ATP13A4: variants seen among roughly 807,000 people sequenced by gnomAD.
ATP13A4 encodes the protein ATPase 13A4.
Under a neutral mutation model 142.5 loss-of-function variants are expected in ATP13A4, and 114 were observed. The observed-to-expected ratio is 0.80, with a 90% confidence interval of 0.69 to 0.93. The LOEUF (loss-of-function observed/expected upper bound fraction) is 0.93, where lower values mean the gene tolerates loss of function less well. ATP13A4 is among the 40% of genes least tolerant of loss of function. The pLI is 0.00. For synonymous variants in ATP13A4, 488 were observed against 514.8 expected, an observed-to-expected ratio of 0.95 and a Z score of 0.70; for missense variants, 1,392 against 1,454.0, an observed-to-expected ratio of 0.96 and a Z score of 0.69.
At chr3:193,455,102 G>T (rs994871514) in intron 16 of ATP13A4, among the ~76,000 whole-genome samples, 4 of 152,104 alleles carry the variant, frequency 2.6e-5, no homozygotes, top group African/African-American at 9.7e-5. Flanking sequence ...ACTTTGGGAG[G>T]CCGAGGTGGG....
intron 8 of ATP13A4, among the ~76,000 whole-genome samples, chr3:193,476,248 T>C (rs969159700): frequency 2.0e-5 from 3 of 152,124 alleles, no homozygotes; most frequent in Non-Finnish European, 4.4e-5. Context: ...GCACTGTATC[T>C]GGTACTGCTA....
intron 12 of ATP13A4, among the ~76,000 whole-genome samples, chr3:193,464,403 G>C (rs111371256): frequency 6.6e-6 from 1 of 152,170 alleles, no homozygotes; most frequent in Admixed American, 6.5e-5. Flanking sequence ...GGTAGAATAC[G>C]AGGCTGGTTG....
At chr3:193,585,681 C>T (rs1420692799) in intron 1 of ATP13A4, among the ~76,000 whole-genome samples, 3 of 152,034 alleles carry the variant, frequency 2.0e-5, no homozygotes, top group African/African-American at 4.8e-5. Flanking sequence ...ATCCGCAGGT[C>T]ATTCTGTTTG....
At chr3:193,412,150 A>T in intron 27 of ATP13A4, 28 bp downstream of exon 27, 1 of 1,563,274 alleles carries the variant, frequency 6.4e-7, no homozygotes, top group South Asian at 1.1e-5. Flanking sequence ...ATGACTTCTC[A>T]CCTCTGATGC....
chr3:193,448,481 G>T lies in ATP13A4; in HGVS notation c.2028-151C>A, dbSNP rs1339055467. On this transcript the variant is annotated intron_variant, in intron 17 of 29. Transcript: ENST00000342695. ...TTCCCAAGTAACTGGGATTATAGGT[G>T]CCCACCACCACGCCCGGCTAATTTT... 8 of 954,740 alleles carry T rather than the reference G, an allele frequency of 8.4e-6. No individual in the cohort carries two copies. In the African/African-American group the frequency reaches 9.8e-5, roughly 12 times the overall value. 59.1% of individuals were successfully genotyped at this position (954,740 alleles called of 1,614,324 possible). A position where few individuals can be genotyped will look rare whatever the true frequency, so the allele number is the denominator to read the frequency against.
rs111420277 is a variant in ATP13A4 at position 193,469,880 on chromosome 3, T to G, written c.943+979A>C. Among the ~76,000 whole-genome samples the G allele has an allele frequency of 1.1e-3, 160 of 152,298 alleles. 1 individual carries two copies. In the Middle Eastern group the frequency reaches 0.021, roughly 20 times the overall value. On this transcript the variant is annotated intron_variant, in intron 9 of 29. Coordinates refer to ENST00000342695, the MANE Select transcript of ATP13A4 (RefSeq NM_032279.4). Reference sequence around the variant, plus strand: ...ATTAAGGCTACTTTCATTAGGAAAATGGTACTTGGCACTGCAGAAGTCCCA... The same window carrying G: ...ATTAAGGCTACTTTCATTAGGAAAAGGGTACTTGGCACTGCAGAAGTCCCA...
chr3:193,429,483 A>T (rs1212456232), intron 25 of ATP13A4, among the ~76,000 whole-genome samples: 1 of 152,130 alleles, frequency 6.6e-6, no homozygotes, highest in Non-Finnish European at 1.5e-5. Context: ...TTAAGTTCTG[A>T]TGCATGTTAC....
At chr3:193,454,018 T>C (rs1267179599) in intron 17 of ATP13A4, 83 bp downstream of exon 17, 1 of 1,198,864 alleles carries the variant, frequency 8.3e-7, no homozygotes, top group Non-Finnish European at 1.2e-6. Context: ...CCTAAGTCCA[T>C]CCCAGTCTAA....
chr3:193,513,970 T>G (rs1438272609), intron 2 of ATP13A4, among the ~76,000 whole-genome samples: 1 of 152,228 alleles, frequency 6.6e-6, no homozygotes, highest in Non-Finnish European at 1.5e-5. Context: ...TTCCTGTTAT[T>G]TTTAGCTATT....
intron 1 of ATP13A4, among the ~76,000 whole-genome samples, chr3:193,525,023 C>T (rs77218003): frequency 0.029 from 4,487 of 152,242 alleles, 214 homozygotes; most frequent in African/African-American, 0.1. Flanking sequence ...AGAATGTAAG[C>T]TTCAAAAGAG....
In ATP13A4 at chr3:193,435,750, T is replaced by C. The variant is rs1426374762; in HGVS notation, c.2673-6A>G. The C allele has an allele frequency of 6.2e-7, 1 of 1,609,372 alleles. No individual in the cohort carries two copies. The highest frequency in any genetic ancestry group is 1.3e-5 in the African/African-American group (1 of 74,762). ...CGAGAGCTGCACGTCCTTCCCTGTG[T>C]AAGAAAAGAAATGATAAAGACATGA... On this transcript the variant is annotated splice_polypyrimidine_tract_variant and splice_region_variant and intron_variant, in intron 23 of 29. Transcript: ENST00000342695.
At chr3:193,579,505 ATATTCCTATTC>A in intron 2 of ATP13A4, 1 of 152,276 alleles carries the variant, frequency 6.6e-6, no homozygotes, top group East Asian at 1.9e-4. Flanking sequence ...ATATATATAT[ATATTCCTATTC>A]TTACTATAGG....
intron 1 of ATP13A4, among the ~76,000 whole-genome samples, chr3:193,590,937 C>T (rs1469115192): frequency 6.6e-6 from 1 of 152,122 alleles, no homozygotes; most frequent in East Asian, 1.9e-4. Flanking sequence ...CTACTTGGCT[C>T]CTGGTTCCGA....
At chr3:193,482,103 C>T (rs1292413152) in intron 8 of ATP13A4, among the ~76,000 whole-genome samples, 1 of 151,936 alleles carries the variant, frequency 6.6e-6, no homozygotes, top group African/African-American at 2.4e-5. Flanking sequence ...GCAAATAGGT[C>T]AATAAGATTG....
chr3:193,413,032 A>C (rs1257624344), intron 26 of ATP13A4, among the ~76,000 whole-genome samples: 1 of 152,206 alleles, frequency 6.6e-6, no homozygotes, highest in Non-Finnish European at 1.5e-5. Flanking sequence ...CTATAACAGC[A>C]ACAACGACAA....
At chr3:193,471,026 T>C (rs1718590264) in intron 8 of ATP13A4, 33 bp from the exon 9 acceptor site, 3 of 1,613,920 alleles carry the variant, frequency 1.9e-6, no homozygotes, top group African/African-American at 1.3e-5. Flanking sequence ...TTGAGTCAGG[T>C]TATTTTCCCA....
intron 3 of ATP13A4, among the ~76,000 whole-genome samples, chr3:193,493,789 A>G (rs1274673547): frequency 2.6e-5 from 4 of 152,134 alleles, no homozygotes; most frequent in African/African-American, 4.8e-5. Context: ...TGGGCAGATA[A>G]TGAGGCTACA....
intron 1 of ATP13A4, among the ~76,000 whole-genome samples, chr3:193,592,567 C>G (rs1724855833): frequency 6.6e-6 from 1 of 152,216 alleles, no homozygotes; most frequent in South Asian, 2.1e-4. Context: ...TTGACGAGGA[C>G]CATTTCAACA....
At chr3:193,489,939 A>C in intron 6 of ATP13A4, 75 bp from the exon 7 acceptor site, 1 of 1,471,042 alleles carries the variant, frequency 6.8e-7, no homozygotes, top group Admixed American at 1.7e-5. Flanking sequence ...ACTTGTTTTC[A>C]TAATCATCTT....
Sources: gnomAD v4.1 joint callset for allele counts (sites outside exome capture counted in the v4.1 genomes callset) on GRCh38, gnomAD v4.1.1 for gene constraint, MANE v1.5 for transcripts, NCBI Gene and HGNC (gene_info 2026-07-23, HGNC 2026-07-21) for gene names.